The following GRM8 variants were observed in gnomAD, a reference collection of about 807,000 sequenced individuals.
The protein encoded by GRM8 is glutamate metabotropic receptor 8, also known as metabotropic glutamate receptor 8.
GRM8 carries 47 observed loss-of-function variants against 87.2 expected under a neutral mutation model. That is an observed-to-expected ratio of 0.54 (90% CI 0.43 to 0.69). The LOEUF (loss-of-function observed/expected upper bound fraction) is 0.69, where lower values mean the gene tolerates loss of function less well. Ranked by LOEUF, GRM8 falls within the 30% of genes least tolerant of loss-of-function variation. The pLI, the probability that GRM8 is intolerant of heterozygous loss-of-function variation, is 0.00. For missense variants in GRM8, 1,019 were observed against 1,139.2 expected, an observed-to-expected ratio of 0.89 and a Z score of 1.52; for synonymous variants, 396 against 404.5, an observed-to-expected ratio of 0.98 and a Z score of 0.25.
chr7:126,626,639 A>G (rs1456509885), intron 7 of GRM8, among the ~76,000 whole-genome samples: 1 of 152,200 alleles, frequency 6.6e-6, no homozygotes, highest in Non-Finnish European at 1.5e-5. Context: ...AAGTTTTATA[A>G]TAAGACAAAG....
At chr7:126,638,289 G>A (rs1022471507) in intron 7 of GRM8, among the ~76,000 whole-genome samples, 7 of 152,096 alleles carry the variant, frequency 4.6e-5, no homozygotes, top group Non-Finnish European at 1.0e-4. Context: ...AAAAGAAGGG[G>A]AGCATCTTGT....
rs140863337 is a variant in GRM8 at position 126,533,798 on chromosome 7, C to T, written c.1584G>A (p.Thr528=). 1.0e-4 allele frequency: 163 copies of T among 1,613,926 alleles called. No individual in the cohort carries two copies. Among genetic ancestry groups the T allele is most frequent in the South Asian group, 1.4e-4 (13 of 91,080 alleles). ...GCCAGCAGCAAGGGACCCCTTTCAC[C>T]GTTTTCTTCCTCTCCCCTGGCTTAC... ...LPCKPGERKK[T]VKGVPCCWHC... is the part of the protein sequence containing the mutation. Residue 528 remains threonine (T), a synonymous_variant, in exon 9 of 11, where the codon ACG becomes ACA. Coordinates refer to ENST00000339582, the MANE Select transcript of GRM8 (RefSeq NM_000845.3).
At chr7:126,680,999 A>G (rs1333186275) in intron 7 of GRM8, among the ~76,000 whole-genome samples, 1 of 152,194 alleles carries the variant, frequency 6.6e-6, no homozygotes, top group Non-Finnish European at 1.5e-5. Flanking sequence ...AAACCAAAAT[A>G]CATTTATTTT....
chr7:126,460,319 C>T (rs1803753927), intron 9 of GRM8, among the ~76,000 whole-genome samples: 1 of 151,598 alleles, frequency 6.6e-6, no homozygotes, highest in Admixed American at 6.6e-5. Context: ...CAGTAATCTG[C>T]TACAGTGTGT....
rs139187835 is a variant in GRM8, at chr7:126,472,675, T to C, written c.2431-26303A>G. On this transcript the variant is annotated intron_variant, in intron 9 of 10. Transcript: ENST00000339582. The stretch of plus-strand genomic sequence containing the variant: ...GAGTAATGAGAAGCCAAATGTTCAC[T>C]GCCACGACAATGGGGAAAATGTCTC... Among the ~76,000 whole-genome samples, 12 of 152,330 alleles carry C rather than the reference T, an allele frequency of 7.9e-5. No homozygotes were observed. The East Asian group carries it at 2.1e-3, about 27-fold the overall frequency.
intron 9 of GRM8, among the ~76,000 whole-genome samples, chr7:126,486,504 C>T (rs997482990): frequency 6.6e-6 from 1 of 152,012 alleles, no homozygotes; most frequent in South Asian, 2.1e-4. Flanking sequence ...CTGAAGGTTA[C>T]ACTTCCCAGC....
intron 3 of GRM8, among the ~76,000 whole-genome samples, chr7:126,999,281 A>G (rs1454572265): frequency 6.6e-6 from 1 of 151,970 alleles, no homozygotes; most frequent in African/African-American, 2.4e-5. Context: ...TCAAACCATG[A>G]AATTACTATA....
intron 2 of GRM8, among the ~76,000 whole-genome samples, chr7:127,117,158 T>C (rs1436234741): frequency 8.5e-5 from 13 of 152,222 alleles, no homozygotes. Context: ...AATAAGTGAT[T>C]GAAAAGTAGG....
intron 3 of GRM8, among the ~76,000 whole-genome samples, chr7:127,020,339 T>C (rs1318972343): frequency 2.6e-5 from 4 of 152,068 alleles, no homozygotes; most frequent in East Asian, 1.9e-4. Flanking sequence ...TGCTCCCTGA[T>C]GAATTCACCC....
chr7:126,500,313 T>G (rs956300830), intron 9 of GRM8, among the ~76,000 whole-genome samples: 1 of 152,010 alleles, frequency 6.6e-6, no homozygotes, highest in African/African-American at 2.4e-5. Flanking sequence ...TCTGCAGGTT[T>G]CTTCTTGTTA....
chr7:126,630,381 A>G (rs1050319786), intron 7 of GRM8, among the ~76,000 whole-genome samples: 1 of 152,184 alleles, frequency 6.6e-6, no homozygotes, highest in Non-Finnish European at 1.5e-5. Context: ...CTGAGGCAGT[A>G]ATAAATAGGC....
intron 6 of GRM8, among the ~76,000 whole-genome samples, chr7:126,817,927 T>C (rs1464318075): frequency 2.0e-5 from 3 of 151,926 alleles, no homozygotes; most frequent in Admixed American, 6.6e-5. Flanking sequence ...TCCCAAACTA[T>C]AGTAAATACC....
At chr7:126,521,502 C>G (rs1812978421) in intron 9 of GRM8, among the ~76,000 whole-genome samples, 2 of 151,984 alleles carry the variant, frequency 1.3e-5, no homozygotes, top group South Asian at 4.1e-4. Flanking sequence ...ATTCAAAACA[C>G]TGCCAAAATA....
chr7:126,956,654 G>C (rs1586589614), intron 3 of GRM8, among the ~76,000 whole-genome samples: 1 of 152,248 alleles, frequency 6.6e-6, no homozygotes, highest in Non-Finnish European at 1.5e-5. Context: ...AAAATGAAGA[G>C]AGAACTGAAG....
At chr7:127,127,284 A>G (rs1827426891) in intron 2 of GRM8, among the ~76,000 whole-genome samples, 1 of 152,072 alleles carries the variant, frequency 6.6e-6, no homozygotes. Context: ...ACTACTAGGT[A>G]TACTTACCCA....
At chr7:126,982,718 C>T (rs116233591) in intron 3 of GRM8, among the ~76,000 whole-genome samples, 7,501 of 152,246 alleles carry the variant, frequency 0.049, 375 homozygotes, top group African/African-American at 0.13. Flanking sequence ...AATTACAGTC[C>T]TCATTTCTGC....
intron 8 of GRM8, among the ~76,000 whole-genome samples, chr7:126,600,884 A>C (rs1797672668): frequency 6.6e-6 from 1 of 152,198 alleles, no homozygotes; most frequent in Non-Finnish European, 1.5e-5. Flanking sequence ...GAAAGGAAAC[A>C]GAACAAAGTA....
intron 9 of GRM8, among the ~76,000 whole-genome samples, chr7:126,457,167 A>C (rs1358232915): frequency 6.6e-6 from 1 of 151,556 alleles, no homozygotes; most frequent in Non-Finnish European, 1.5e-5. Context: ...AATTAGCTAC[A>C]TGGCAGGAAA....
intron 7 of GRM8, among the ~76,000 whole-genome samples, chr7:126,684,330 C>T (rs1191085465): frequency 2.0e-5 from 3 of 152,040 alleles, no homozygotes; most frequent in Admixed American, 1.3e-4. Flanking sequence ...TTATCACACC[C>T]GGCTCCCAGT....
Sources: gnomAD v4.1 joint callset for allele counts (sites outside exome capture counted in the v4.1 genomes callset) on GRCh38, gnomAD v4.1.1 for gene constraint, MANE v1.5 for transcripts, NCBI Gene and HGNC (gene_info 2026-07-23, HGNC 2026-07-21) for gene names.